Variants in SIRPG observed in about 807,000 individuals in gnomAD.
SIRPG encodes signal-regulatory protein gamma.
Under a neutral mutation model 35.7 loss-of-function variants are expected in SIRPG, and 38 were observed. The ratio of observed to expected loss-of-function variants is 1.06; its 90% confidence interval spans 0.82 to 1.40. The LOEUF (loss-of-function observed/expected upper bound fraction) is 1.40. Ranked by LOEUF, SIRPG falls within the 40% of genes most tolerant of loss-of-function variation. The pLI is 0.00. For synonymous variants in SIRPG, 215 were observed against 190.4 expected (o/e 1.13, Z -1.06); for missense variants, 519 against 483.0 (o/e 1.07, Z -0.70).
chr20:1,658,449 G>A (rs1034962725), upstream of SIRPG, among the ~76,000 whole-genome samples: 1 of 152,122 alleles, frequency 6.6e-6, no homozygotes, highest in African/African-American at 2.4e-5. Flanking sequence ...GAAGATTATG[G>A]TGGGCAGGTT....
rs71193923 is a variant in SIRPG, at chr20:1,650,004, GTA to G, written c.74-598_74-597del. Among the ~76,000 whole-genome samples the G allele has an allele frequency of 3.8e-3, 374 of 98,806 alleles. 7 individuals carry two copies. Among genetic ancestry groups the G allele is most frequent in the Non-Finnish European group, 5.9e-3 (287 of 48,862 alleles). 64.8% of individuals were successfully genotyped at this position (98,806 alleles called of 152,430 possible). A position where few individuals can be genotyped will look rare whatever the true frequency, so the allele number is the denominator to read the frequency against. On this transcript the variant is annotated intron_variant, in intron 1 of 5. Transcript: ENST00000303415. ...ACTCCTGAACTCTACTTTGAAGTGT[GTA>G]TATATATATATATATATATATGTCA...
At chr20:1,675,393 C>G in the SIRPG span, among the ~76,000 whole-genome samples, 1 of 152,198 alleles carries the variant, frequency 6.6e-6, no homozygotes, top group African/African-American at 2.4e-5. Flanking sequence ...TCTGCAGAAC[C>G]TTTCTAAAGA....
At chr20:1,646,138 G>T (rs138526097) in intron 2 of SIRPG, 2 of 152,326 alleles carry the variant, frequency 1.3e-5, no homozygotes, top group East Asian at 3.9e-4. Context: ...CACCTTCTGT[G>T]TCCCACCAAG....
intron 3 of SIRPG, 106 bp downstream of exon 3, chr20:1,636,082 A>G (rs1290942487): frequency 6.6e-7 from 1 of 1,512,942 alleles, no homozygotes; most frequent in Non-Finnish European, 9.0e-7. Context: ...CAGTATAGTC[A>G]GGGATTAGAT....
chr20:1,667,994 T>C, the SIRPG span, among the ~76,000 whole-genome samples: 1 of 152,196 alleles, frequency 6.6e-6, no homozygotes, highest in Non-Finnish European at 1.5e-5. Context: ...CTCAAGCTAA[T>C]GACACATTAC....
intron 3 of SIRPG, 127 bp from the exon 4 acceptor site, chr20:1,635,726 C>T: frequency 1.0e-6 from 1 of 997,488 alleles, no homozygotes; most frequent in African/African-American, 1.6e-5. Context: ...GCAGCAGATG[C>T]TAAGACATTG....
chr20:1,672,891 T>C, the SIRPG span, among the ~76,000 whole-genome samples: 1 of 152,146 alleles, frequency 6.6e-6, no homozygotes, highest in Non-Finnish European at 1.5e-5. Context: ...CCAAAGGTGG[T>C]TAATGTTTTC....
chr20:1,664,615 G>T, the SIRPG span, among the ~76,000 whole-genome samples: 1 of 152,202 alleles, frequency 6.6e-6, no homozygotes. Context: ...GCATCAAGGT[G>T]GCAGAGACTG....
chr20:1,663,623 T>C, the SIRPG span, among the ~76,000 whole-genome samples: 31,622 of 152,254 alleles, frequency 0.21, 3,639 homozygotes, highest in Admixed American at 0.33. Flanking sequence ...TCTTTTTCCT[T>C]TTGAAGAGTC....
chr20:1,656,955 G>C (rs964711906), intron 1 of SIRPG, among the ~76,000 whole-genome samples: 1 of 152,164 alleles, frequency 6.6e-6, no homozygotes, highest in Non-Finnish European at 1.5e-5. Flanking sequence ...CAAGCTTAGT[G>C]ATCCAATAAC....
chr20:1,637,476 C>G (rs1600201877), intron 2 of SIRPG: 1 of 163,944 alleles, frequency 6.1e-6, no homozygotes, highest in Non-Finnish European at 1.4e-5. Context: ...TTGTGAAAGT[C>G]CCCAGTACAA....
intron 1 of SIRPG, among the ~76,000 whole-genome samples, chr20:1,650,224 G>T (rs1481890028): frequency 6.6e-6 from 1 of 151,570 alleles, no homozygotes; most frequent in East Asian, 1.9e-4. Context: ...CCTTCTCAAA[G>T]AATTAATCTC....
At chr20:1,648,634 T>TAATAAAATAAAATAA (rs368066718) in intron 2 of SIRPG, among the ~76,000 whole-genome samples, 2 of 151,544 alleles carry the variant, frequency 1.3e-5, no homozygotes, top group African/African-American at 2.4e-5. Context: ...ACTTAAAGTA[T>TAATAAAATAAAATAA]AATAAAATAA....
chr20:1,672,310 A>T, the SIRPG span, among the ~76,000 whole-genome samples: 1 of 152,182 alleles, frequency 6.6e-6, no homozygotes, highest in Non-Finnish European at 1.5e-5. Context: ...GTATTTATGA[A>T]TTTGTTCCAT....
At chr20:1,670,531 A>G in the SIRPG span, among the ~76,000 whole-genome samples, 1 of 152,178 alleles carries the variant, frequency 6.6e-6, no homozygotes, top group Non-Finnish European at 1.5e-5. Context: ...CTGCAGCAAA[A>G]TCAATGAAAT....
chr20:1,678,581 T>G, the SIRPG span, among the ~76,000 whole-genome samples: 1 of 152,068 alleles, frequency 6.6e-6, no homozygotes, highest in Non-Finnish European at 1.5e-5. Flanking sequence ...GGAATGATGA[T>G]ACATTATCAA....
At chr20:1,670,203 C>T in the SIRPG span, 5 of 260,664 alleles carry the variant, frequency 1.9e-5, no homozygotes, top group Admixed American at 1.2e-4. Context: ...TGGTTCCCTG[C>T]CTTTATGGGC....
At chr20:1,650,126 C>T (rs1261214007) in intron 1 of SIRPG, among the ~76,000 whole-genome samples, 1 of 149,538 alleles carries the variant, frequency 6.7e-6, no homozygotes, top group Non-Finnish European at 1.5e-5. Context: ...CTAGTTTTTG[C>T]CTTTCCAAAT....
At chr20:1,635,235 A>G (rs772793426) in intron 4 of SIRPG, 32 bp downstream of exon 4, 3 of 1,538,228 alleles carry the variant, frequency 2.0e-6, no homozygotes, top group Non-Finnish European at 2.6e-6. Context: ...TGAGAGAAAA[A>G]GACAAAATTT....
Sources: allele counts gnomAD v4.1 joint callset (sites outside exome capture counted in the v4.1 genomes callset), GRCh38; gene constraint gnomAD v4.1.1; transcripts MANE v1.5; gene names NCBI Gene and HGNC (gene_info 2026-07-23, HGNC 2026-07-21).